EXTL3: variants seen among roughly 807,000 people sequenced by gnomAD.
The protein encoded by EXTL3 is exostosin-like 3.
In EXTL3, 27 loss-of-function variants were observed where a neutral mutation model predicts 69.3. The observed-to-expected ratio is 0.39, with a 90% CI of 0.29 to 0.54. The LOEUF (loss-of-function observed/expected upper bound fraction) is 0.54. Ranked by LOEUF, EXTL3 falls within the 20% of genes least tolerant of loss-of-function variation. The pLI is 0.69. For missense variants in EXTL3, 1,003 were observed against 1,231.8 expected, an observed-to-expected ratio of 0.81 and a Z score of 2.78; for synonymous variants, 511 against 499.4, an observed-to-expected ratio of 1.02 and a Z score of -0.31.
rs551236949 is a variant in EXTL3 at position 28,749,086 on chromosome 8, T to A, written c.2551-1571T>A. Among the ~76,000 whole-genome samples the A allele has an allele frequency of 3.9e-5, 6 of 152,076 alleles. 1 individual carries two copies. The South Asian group carries it at 8.4e-4, about 21-fold the overall frequency. On this transcript the variant is annotated intron_variant, in intron 6 of 6. Coordinates refer to ENST00000220562, the MANE Select transcript of EXTL3 (RefSeq NM_001440.4). Reference sequence around the variant, plus strand: ...AAAAGAGAAATTTCTTCACCTCAGGTCACATAGGACACGCACAGGTAAAGC... The same window carrying A: ...AAAAGAGAAATTTCTTCACCTCAGGACACATAGGACACGCACAGGTAAAGC...
At chr8:28,622,234 G>A (rs1342368492), upstream of EXTL3, among the ~76,000 whole-genome samples, 6 of 152,214 alleles carry the variant, frequency 3.9e-5, no homozygotes, top group Non-Finnish European at 7.3e-5. Context: ...GTTTCCTTAT[G>A]TCGCTAAGCG....
chr8:28,749,753 CAT>C (rs1185992288), intron 6 of EXTL3, among the ~76,000 whole-genome samples: 1 of 152,188 alleles, frequency 6.6e-6, no homozygotes, highest in Admixed American at 6.5e-5. Context: ...GTGGTACCAT[CAT>C]AGCTCATTGC....
At position 28,717,948 on chromosome 8, in the gene EXTL3, T is replaced by C; in HGVS notation, c.1889T>C (p.Leu630Ser). 6.2e-7 allele frequency: 1 copy of C among 1,614,230 alleles called. No individual in the cohort carries two copies. The highest frequency in any genetic ancestry group is 8.5e-7 in the Non-Finnish European group (1 of 1,180,036). Residue 630 changes from leucine (L) to serine (S), a missense_variant, in exon 3 of 7, where the codon TTG becomes TCG. Leu to Ser is a moderately radical substitution (Grantham distance 145). Coordinates refer to ENST00000220562, the MANE Select transcript of EXTL3 (RefSeq NM_001440.4). The surrounding 1 kb of genome is among the most constrained non-coding windows in gnomAD (Gnocchi z 8.3). ...DPVLPSEAKFLGSGTGFRPIG... is the reference protein window; with the variant it reads ...DPVLPSEAKFSGSGTGFRPIG... Reference sequence around the variant, plus strand: ...GTGTTGCCCTCAGAGGCCAAATTCTTGGGCTCAGGGACTGGCTTTCGGCCT... The same window carrying C: ...GTGTTGCCCTCAGAGGCCAAATTCTCGGGCTCAGGGACTGGCTTTCGGCCT...
chr8:28,663,099 A>G (rs1807142031), intron 1 of EXTL3, among the ~76,000 whole-genome samples: 1 of 152,242 alleles, frequency 6.6e-6, no homozygotes, highest in Non-Finnish European at 1.5e-5. Context: ...ATGCAATTCA[A>G]TGAGATCTCC....
chr8:28,634,166 G>A (rs1415122993), intron 1 of EXTL3, among the ~76,000 whole-genome samples: 3 of 152,292 alleles, frequency 2.0e-5, no homozygotes, highest in South Asian at 2.1e-4. Context: ...TTATGCTTTC[G>A]TATTTGTTTG....
upstream of EXTL3, among the ~76,000 whole-genome samples, chr8:28,698,921 A>G (rs965468313): frequency 1.3e-5 from 2 of 152,174 alleles, no homozygotes; most frequent in African/African-American, 2.4e-5. Context: ...TGAACCCGGG[A>G]GGCAGAGTTT....
At chr8:28,741,594 G>GCA (rs1338671596) in intron 5 of EXTL3, 2 of 152,082 alleles carry the variant, frequency 1.3e-5, no homozygotes, top group African/African-American at 4.8e-5. Context: ...GGCAGTACAG[G>GCA]CACATGCCAC....
In EXTL3 at chr8:28,718,157, A is replaced by G. The variant is rs370848949; in HGVS notation, c.2098A>G (p.Lys700Glu). 16 of 1,613,958 alleles carry G rather than the reference A, an allele frequency of 9.9e-6. No individual in the cohort carries two copies. Among genetic ancestry groups the G allele is most frequent in the Non-Finnish European group, 1.2e-5 (14 of 1,180,012 alleles). ...GGTCGTGGTGGTGTGGAATTCTCCCAAGCTGCCATCAGAGGACCTTCTGTG... is the reference window on the plus strand; with the variant it reads ...GGTCGTGGTGGTGTGGAATTCTCCCGAGCTGCCATCAGAGGACCTTCTGTG... ...NKVVVVWNSP[K>E]LPSEDLLWPD... Residue 700 changes from lysine to glutamate, a missense_variant, in exon 3 of 7, where the codon AAG (lysine) becomes GAG (glutamate). Transcript: ENST00000220562.
At chr8:28,652,686 C>CATAT (rs3051956) in intron 1 of EXTL3, among the ~76,000 whole-genome samples, 106 of 149,162 alleles carry the variant, frequency 7.1e-4, no homozygotes, top group East Asian at 1.2e-3. Flanking sequence ...TATATATAGC[C>CATAT]ATATATATAT....
intron 1 of EXTL3, among the ~76,000 whole-genome samples, chr8:28,635,702 C>A (rs993720942): frequency 1.4e-5 from 2 of 143,372 alleles, no homozygotes; most frequent in East Asian, 4.0e-4. Flanking sequence ...CATAGTGAGA[C>A]CCCCCCACAA....
intron 4 of EXTL3, among the ~76,000 whole-genome samples, chr8:28,735,780 G>A (rs1801639158): frequency 6.6e-6 from 1 of 152,166 alleles, no homozygotes; most frequent in Admixed American, 6.5e-5. Context: ...CAAGAAAGAG[G>A]CAGATACAAT....
intron 1 of EXTL3, among the ~76,000 whole-genome samples, chr8:28,646,630 C>T (rs746144614): frequency 7.9e-5 from 12 of 152,170 alleles, no homozygotes; most frequent in Admixed American, 2.0e-4. Context: ...GTAACTGCTA[C>T]GCACATTCAC....
intron 2 of EXTL3, among the ~76,000 whole-genome samples, chr8:28,610,982 AT>A (rs1806264922): frequency 6.6e-6 from 1 of 152,052 alleles, no homozygotes; most frequent in African/African-American, 2.4e-5. Flanking sequence ...ATCTCAAGTG[AT>A]CCATCCACCT....
chr8:28,699,957 C>T (rs1800751814), upstream of EXTL3: 1 of 152,106 alleles, frequency 6.6e-6, no homozygotes, highest in African/African-American at 2.4e-5. Flanking sequence ...GGTAGTTCTT[C>T]CCTGTCTTCT....
Position 28,715,831 on chromosome 8 carries a change from A to G in EXTL3, c.-229A>G. ...TTATCGTTTGATAAAGATTAAGGACATGTTCTTTGGTCAACAGCCAGAACT... is the reference window on the plus strand; with the variant it reads ...TTATCGTTTGATAAAGATTAAGGACGTGTTCTTTGGTCAACAGCCAGAACT... On this transcript the variant is annotated 5_prime_UTR_variant, in exon 3 of 7. The change abolishes an upstream ATG in the 5' untranslated region. Coordinates refer to ENST00000220562, the MANE Select transcript of EXTL3 (RefSeq NM_001440.4). The G allele has an allele frequency of 1.8e-6, 1 of 569,760 alleles. No homozygotes were observed. Among genetic ancestry groups the G allele is most frequent in the East Asian group, 2.9e-5 (1 of 34,794 alleles). 35.3% of individuals were successfully genotyped at this position (569,760 alleles called of 1,614,324 possible).
chr8:28,691,652 C>T (rs946283153), intron 1 of EXTL3, among the ~76,000 whole-genome samples: 1 of 148,196 alleles, frequency 6.7e-6, no homozygotes, highest in Admixed American at 6.8e-5. Flanking sequence ...AATCCCAGCA[C>T]TTTGGGAGGC....
At chr8:28,738,025 G>C (rs1415932088) in intron 5 of EXTL3, among the ~76,000 whole-genome samples, 2 of 152,096 alleles carry the variant, frequency 1.3e-5, no homozygotes, top group African/African-American at 4.8e-5. Context: ...AGGTGACCTG[G>C]GCACTTTTCT....
intron 1 of EXTL3, among the ~76,000 whole-genome samples, chr8:28,677,849 C>G (rs1439326180): frequency 6.6e-6 from 1 of 152,216 alleles, no homozygotes; most frequent in Non-Finnish European, 1.5e-5. Context: ...AGAACAAGCA[C>G]CAGGAGAGGT....
upstream of EXTL3, chr8:28,697,441 G>A (rs1563206875): frequency 6.6e-6 from 1 of 152,224 alleles, no homozygotes; most frequent in African/African-American, 2.4e-5. Context: ...CGGTCCTTGT[G>A]ATTGTGCTCC....
Sources: gnomAD v4.1 joint callset for allele counts (sites outside exome capture counted in the v4.1 genomes callset) on GRCh38, gnomAD v4.1.1 for gene constraint, Gnocchi (gnomAD v3.1) non-coding constraint, MANE v1.5 for transcripts, NCBI Gene and HGNC (gene_info 2026-07-23, HGNC 2026-07-21) for gene names.